EFNA5: variants seen among roughly 807,000 people sequenced by gnomAD.
The protein encoded by EFNA5 is ephrin A5, also known as ephrin-A5.
Under a neutral mutation model 22.9 loss-of-function variants are expected in EFNA5, and 5 were observed. The observed-to-expected ratio is 0.22, with a 90% CI of 0.11 to 0.46. EFNA5 has a LOEUF of 0.46. Ranked by LOEUF, EFNA5 falls within the 20% of genes least tolerant of loss-of-function variation. The probability of loss-of-function intolerance (pLI) is 0.99; values close to 1 mark genes in which losing one functional copy is unlikely to be tolerated. For synonymous variants in EFNA5, 113 were observed against 112.2 expected, an observed-to-expected ratio of 1.01 and a Z score of -0.04; for missense variants, 237 against 293.3, an observed-to-expected ratio of 0.81 and a Z score of 1.40.
chr5:107,380,649 T>A lies in EFNA5; in HGVS notation c.*606A>T. Reference sequence around the variant, plus strand: ...CAAGAATGCTTTAAGACAGTCATATTAAAAAAAAAAACCAGTGTCTCAACC... The same window carrying A: ...CAAGAATGCTTTAAGACAGTCATATAAAAAAAAAAAACCAGTGTCTCAACC... On this transcript the variant is annotated 3_prime_UTR_variant, in exon 5 of 5. Coordinates refer to ENST00000333274, the MANE Select transcript of EFNA5 (RefSeq NM_001962.3). 3.1e-6 allele frequency: 1 copy of A among 324,184 alleles called. No homozygotes were observed. The highest frequency in any genetic ancestry group is 5.6e-6 in the Non-Finnish European group (1 of 180,032). 20.1% of individuals were successfully genotyped at this position (324,184 alleles called of 1,614,324 possible).
intron 1 of EFNA5, among the ~76,000 whole-genome samples, chr5:107,588,680 T>G (rs1298452737): frequency 6.6e-6 from 1 of 152,198 alleles, no homozygotes; most frequent in East Asian, 1.9e-4. Flanking sequence ...AAATATATTA[T>G]CCTCTGTAAG....
intron 1 of EFNA5, among the ~76,000 whole-genome samples, chr5:107,478,880 TA>T (rs1197227332): frequency 6.6e-6 from 1 of 152,240 alleles, no homozygotes; most frequent in East Asian, 1.9e-4. Context: ...TGGAAGTTTT[TA>T]TACTTCTCTA....
rs574957361 is a variant in EFNA5 at position 107,641,329 on chromosome 5, G to A, written c.125+29160C>T. ...GCAGAGACTGTACCACCGCACTCCAGCCTGGGCAACAGAGTGAGACTCTGT... is the reference window on the plus strand; with the variant it reads ...GCAGAGACTGTACCACCGCACTCCAACCTGGGCAACAGAGTGAGACTCTGT... On this transcript the variant is annotated intron_variant, in intron 1 of 4. Coordinates refer to ENST00000333274, the MANE Select transcript of EFNA5 (RefSeq NM_001962.3). Among the ~76,000 whole-genome samples, 8 of 150,344 alleles carry A rather than the reference G, an allele frequency of 5.3e-5. No individual in the cohort carries two copies. The East Asian group carries it at 1.6e-3, about 29-fold the overall frequency.
At chr5:107,579,893 CAA>C (rs1363599432) in intron 1 of EFNA5, among the ~76,000 whole-genome samples, 1 of 152,158 alleles carries the variant, frequency 6.6e-6, no homozygotes, top group Admixed American at 6.5e-5. Flanking sequence ...AACTATATAA[CAA>C]AGAGACAGAT....
At chr5:107,504,077 A>G (rs949446793) in intron 1 of EFNA5, among the ~76,000 whole-genome samples, 1 of 152,202 alleles carries the variant, frequency 6.6e-6, no homozygotes, top group South Asian at 2.1e-4. Flanking sequence ...TATAAGAAGT[A>G]TCTGAAGTAC....
At chr5:107,478,015 G>A (rs1750358196) in intron 1 of EFNA5, among the ~76,000 whole-genome samples, 1 of 151,942 alleles carries the variant, frequency 6.6e-6, no homozygotes, top group Non-Finnish European at 1.5e-5. Flanking sequence ...ACATGAGCAG[G>A]GTTTTTAAAC....
intron 1 of EFNA5, among the ~76,000 whole-genome samples, chr5:107,572,517 A>C (rs923730019): frequency 4.6e-5 from 7 of 152,206 alleles, no homozygotes; most frequent in Non-Finnish European, 8.8e-5. Context: ...AAAGATTCTT[A>C]AGTCATTCAC....
chr5:107,401,098 C>G (rs748822700), intron 2 of EFNA5, among the ~76,000 whole-genome samples: 1 of 152,152 alleles, frequency 6.6e-6, no homozygotes, highest in Non-Finnish European at 1.5e-5. Context: ...GATAACCATC[C>G]TTTAACATTT....
intron 1 of EFNA5, among the ~76,000 whole-genome samples, chr5:107,667,093 G>A (rs1439599759): frequency 6.6e-6 from 1 of 151,994 alleles, no homozygotes; most frequent in Non-Finnish European, 1.5e-5. Flanking sequence ...TTAAAAGGAT[G>A]ATTTGATTAT....
chr5:107,510,226 A>G (rs1747341044), intron 1 of EFNA5, among the ~76,000 whole-genome samples: 1 of 152,210 alleles, frequency 6.6e-6, no homozygotes, highest in Non-Finnish European at 1.5e-5. Context: ...ACACATTAGC[A>G]TGCTAAAAGA....
intron 1 of EFNA5, among the ~76,000 whole-genome samples, chr5:107,454,326 A>G (rs1241148407): frequency 3.3e-5 from 5 of 152,238 alleles, no homozygotes; most frequent in Middle Eastern, 3.4e-3. Context: ...CTACTATTTC[A>G]TCAATATGTT....
At chr5:107,648,085 G>A (rs933340505) in intron 1 of EFNA5, among the ~76,000 whole-genome samples, 1 of 152,096 alleles carries the variant, frequency 6.6e-6, no homozygotes, top group Admixed American at 6.6e-5. Flanking sequence ...AAGTTTAACT[G>A]ATTTTTTGCC....
chr5:107,552,222 T>G (rs1247690998), intron 1 of EFNA5, among the ~76,000 whole-genome samples: 2 of 152,212 alleles, frequency 1.3e-5, no homozygotes, highest in Non-Finnish European at 2.9e-5. Flanking sequence ...CCTAAGAGCC[T>G]TCCACATACT....
intron 1 of EFNA5, among the ~76,000 whole-genome samples, chr5:107,624,178 AG>A (rs1750098282): frequency 6.6e-6 from 1 of 152,146 alleles, no homozygotes; most frequent in South Asian, 2.1e-4. Context: ...TATAATTAAA[AG>A]GTAATATTAA....
chr5:107,441,399 G>A (rs1420453162), intron 1 of EFNA5, among the ~76,000 whole-genome samples: 1 of 152,138 alleles, frequency 6.6e-6, no homozygotes, highest in Non-Finnish European at 1.5e-5. Flanking sequence ...TTCAGGGCTG[G>A]AGCAAGGAAG....
At chr5:107,456,579 AAG>A (rs1384296829) in intron 1 of EFNA5, among the ~76,000 whole-genome samples, 1 of 152,142 alleles carries the variant, frequency 6.6e-6, no homozygotes, top group Non-Finnish European at 1.5e-5. Flanking sequence ...ATTCCCTTTT[AAG>A]AGAGATGTTT....
intron 1 of EFNA5, among the ~76,000 whole-genome samples, chr5:107,467,018 T>C (rs1053405594): frequency 3.3e-5 from 5 of 152,132 alleles, no homozygotes; most frequent in African/African-American, 1.2e-4. Flanking sequence ...GTCTCAATAA[T>C]AAGGAAAACC....
At chr5:107,429,600 G>A (rs1748896185) in intron 1 of EFNA5, among the ~76,000 whole-genome samples, 1 of 152,178 alleles carries the variant, frequency 6.6e-6, no homozygotes, top group African/African-American at 2.4e-5. Flanking sequence ...TGGATCTGCT[G>A]TTGGTTGAGT....
At chr5:107,479,512 A>G (rs1382420359) in intron 1 of EFNA5, among the ~76,000 whole-genome samples, 1 of 151,890 alleles carries the variant, frequency 6.6e-6, no homozygotes, top group African/African-American at 2.4e-5. Context: ...CCAACAAGTG[A>G]TTTACTGTCG....
Sources: allele counts gnomAD v4.1 joint callset (sites outside exome capture counted in the v4.1 genomes callset), GRCh38; gene constraint gnomAD v4.1.1; transcripts MANE v1.5; gene names NCBI Gene and HGNC (gene_info 2026-07-23, HGNC 2026-07-21).